Variants in SYN3 observed in about 807,000 individuals in gnomAD.
SYN3 encodes synapsin-3.
Under a neutral mutation model 65.8 loss-of-function variants are expected in SYN3, and 35 were observed. The observed-to-expected ratio is 0.53, with a 90% CI of 0.41 to 0.70. The LOEUF (loss-of-function observed/expected upper bound fraction) is 0.70. SYN3 is among the 30% of genes least tolerant of loss of function. The pLI is 0.00. For missense variants in SYN3, 680 were observed against 749.0 expected, an observed-to-expected ratio of 0.91 and a Z score of 1.08; for synonymous variants, 270 against 292.9, an observed-to-expected ratio of 0.92 and a Z score of 0.80.
chr22:32,686,998 C>T (rs1191325616), intron 6 of SYN3, among the ~76,000 whole-genome samples: 20 of 152,044 alleles, frequency 1.3e-4, no homozygotes, highest in African/African-American at 4.3e-4. Flanking sequence ...TGTTGCTTCT[C>T]AGACCAGAAC....
chr22:32,690,966 G>C (rs1023423272), intron 6 of SYN3, among the ~76,000 whole-genome samples: 6 of 152,204 alleles, frequency 3.9e-5, no homozygotes, highest in Non-Finnish European at 7.3e-5. Flanking sequence ...AGCCCCACAG[G>C]ATGGGGAGGC....
rs2050113286 is a variant in SYN3 at position 32,913,606 on chromosome 22, GCT to G, written c.461+17782_461+17783del. On this transcript the variant is annotated intron_variant, in intron 4 of 13. Transcript: ENST00000358763. ...GGGCTCTTAGGGGCAAGTTATAGAAGCTCTGAGAGCTTCAGTTTCTTCATCTG... is the reference window on the plus strand; with the variant it reads ...GGGCTCTTAGGGGCAAGTTATAGAAGCTGAGAGCTTCAGTTTCTTCATCTG... Among the ~76,000 whole-genome samples the G allele has an allele frequency of 2.0e-5, 3 of 152,142 alleles. No homozygotes were observed. In the South Asian group the frequency reaches 6.2e-4, roughly 32 times the overall value.
intron 12 of SYN3, among the ~76,000 whole-genome samples, chr22:32,524,089 G>T (rs2057935295): frequency 6.6e-6 from 1 of 152,234 alleles, no homozygotes; most frequent in East Asian, 1.9e-4. Context: ...AGAGGTTGGT[G>T]GGTGAAGTCT....
intron 7 of SYN3, among the ~76,000 whole-genome samples, chr22:32,559,566 C>T (rs1006900987): frequency 2.0e-5 from 3 of 152,296 alleles, no homozygotes; most frequent in Admixed American, 1.3e-4. Context: ...CGGTGGCTCA[C>T]GCCTGTAATC....
chr22:32,908,328 C>T lies in SYN3; in HGVS notation c.461+23062G>A, dbSNP rs76909725. Among the ~76,000 whole-genome samples the T allele has an allele frequency of 8.5e-3, 1,289 of 151,384 alleles. 52 individuals carry two copies. The highest frequency in any genetic ancestry group is 0.073 in the Admixed American group (1,107 of 15,186). Reference sequence around the variant, plus strand: ...CTCGAATTCCTGACCTCAAGTGATCCGCCCACCTTGGCCTCCCAAAGTGCT... The same window carrying T: ...CTCGAATTCCTGACCTCAAGTGATCTGCCCACCTTGGCCTCCCAAAGTGCT... On this transcript the variant is annotated intron_variant, in intron 4 of 13. Coordinates refer to ENST00000358763, the MANE Select transcript of SYN3 (RefSeq NM_003490.4).
intron 4 of SYN3, among the ~76,000 whole-genome samples, chr22:32,874,088 C>T (rs1213760932): frequency 3.3e-5 from 5 of 152,070 alleles, no homozygotes; most frequent in African/African-American, 9.7e-5. Context: ...GAGCCGAGAT[C>T]GTGTCACTGC....
intron 11 of SYN3, 78 bp downstream of exon 11, chr22:32,528,796 G>A (rs2058023649): frequency 3.2e-6 from 5 of 1,584,564 alleles, no homozygotes; most frequent in Admixed American, 3.6e-5. Context: ...ATCCCCTTTG[G>A]ATCCAGGGGC....
At position 32,720,887 on chromosome 22, in the gene SYN3, T is replaced by C. The variant is rs566150217; in HGVS notation, c.712-124151A>G. ...TCTTAACTGCCAGTGGGGACATTGC[T>C]CTTGCCTCTACCCCCACCTCTCTGC... On this transcript the variant is annotated intron_variant, in intron 6 of 13. Coordinates refer to ENST00000358763, the MANE Select transcript of SYN3 (RefSeq NM_003490.4). Among the ~76,000 whole-genome samples, 6 of 152,282 alleles carry C rather than the reference T, an allele frequency of 3.9e-5. 1 individual carries two copies. Among genetic ancestry groups the C allele is most frequent in the African/African-American group, 1.4e-4 (6 of 41,574 alleles).
intron 6 of SYN3, among the ~76,000 whole-genome samples, chr22:32,738,651 G>C (rs1164655086): frequency 2.0e-5 from 3 of 152,190 alleles, no homozygotes; most frequent in Admixed American, 6.5e-5. Context: ...TGTGAACCAA[G>C]TATTAATGCA....
At chr22:32,905,599 A>G (rs1225736385) in intron 4 of SYN3, among the ~76,000 whole-genome samples, 1 of 152,262 alleles carries the variant, frequency 6.6e-6, no homozygotes, top group African/African-American at 2.4e-5. Context: ...CCAGGAGGGC[A>G]TGATTCTATC....
intron 13 of SYN3, among the ~76,000 whole-genome samples, chr22:32,517,829 T>C (rs1368575245): frequency 1.3e-5 from 2 of 152,130 alleles, no homozygotes; most frequent in Non-Finnish European, 2.9e-5. Flanking sequence ...GGTATGTGTA[T>C]ACACGGAGGG....
Position 32,555,740 on chromosome 22 carries a change from A to G in SYN3, c.775-14027T>C, listed in dbSNP as rs140259373. Reference sequence around the variant, plus strand: ...TCCTAGTTGGAGATAATAAAACCATAACCCGGGCACACAAATGGATGCTTG... The same window carrying G: ...TCCTAGTTGGAGATAATAAAACCATGACCCGGGCACACAAATGGATGCTTG... On this transcript the variant is annotated intron_variant, in intron 7 of 13. Coordinates refer to ENST00000358763, the MANE Select transcript of SYN3 (RefSeq NM_003490.4). Among the ~76,000 whole-genome samples, 551 of 152,274 alleles carry G rather than the reference A, an allele frequency of 3.6e-3. 3 individuals are homozygous for G. The highest frequency in any genetic ancestry group is 6.8e-3 in the Middle Eastern group (2 of 294).
At chr22:32,733,848 CA>C (rs549369485) in intron 6 of SYN3, among the ~76,000 whole-genome samples, 377 of 152,166 alleles carry the variant, frequency 2.5e-3, no homozygotes, top group Middle Eastern at 0.024. Flanking sequence ...TTCATGAGGA[CA>C]CTCTGGACAA....
chr22:32,688,898 G>C (rs892939426), intron 6 of SYN3, among the ~76,000 whole-genome samples: 1 of 152,174 alleles, frequency 6.6e-6, no homozygotes, highest in Non-Finnish European at 1.5e-5. Flanking sequence ...GGGCCTGGGG[G>C]TGAGCAAAGC....
At chr22:32,760,220 A>G (rs1442461898) in intron 6 of SYN3, among the ~76,000 whole-genome samples, 7 of 58,748 alleles carry the variant, frequency 1.2e-4, no homozygotes, top group Non-Finnish European at 1.2e-4. Flanking sequence ...GCCAACAGCC[A>G]CGCACCAACA....
intron 6 of SYN3, among the ~76,000 whole-genome samples, chr22:32,636,904 T>G (rs9621515): frequency 0.27 from 41,784 of 152,052 alleles, 8,745 homozygotes; most frequent in African/African-American, 0.58. Flanking sequence ...TTAAAGCAAT[T>G]AACCTCTTTT....
chr22:32,604,010 T>TG, intron 6 of SYN3, among the ~76,000 whole-genome samples: 1 of 152,278 alleles, frequency 6.6e-6, no homozygotes, highest in South Asian at 2.1e-4. Flanking sequence ...CTATGCTGGG[T>TG]GTTCCCTTGG....
At chr22:32,569,405 ATCTATCTATCTATCT>A (rs2058719498) in intron 7 of SYN3, among the ~76,000 whole-genome samples, 3 of 68,722 alleles carry the variant, frequency 4.4e-5, no homozygotes, top group African/African-American at 2.3e-4. Context: ...TCCAAAATCT[ATCTATCTATCTATCT>A]ATCTATCTAT....
chr22:32,956,063 A>ATATATATATATATATATAT (rs1569355322), intron 3 of SYN3, among the ~76,000 whole-genome samples: 1 of 81,072 alleles, frequency 1.2e-5, no homozygotes, highest in East Asian at 2.3e-4. Flanking sequence ...TATATATATA[A>ATATATATATATATATATAT]AATCTCCTAT....
Sources: allele counts gnomAD v4.1 joint callset (sites outside exome capture counted in the v4.1 genomes callset), GRCh38; gene constraint gnomAD v4.1.1; transcripts MANE v1.5; gene names NCBI Gene and HGNC (gene_info 2026-07-23, HGNC 2026-07-21).